The following TLE1 variants were observed in gnomAD, a reference collection of about 807,000 sequenced individuals.
The protein encoded by TLE1 is TLE family member 1, transcriptional corepressor.
Under a neutral mutation model 89.8 loss-of-function variants are expected in TLE1, and 21 were observed. That is an observed-to-expected ratio of 0.23 (90% CI 0.17 to 0.34). The LOEUF (loss-of-function observed/expected upper bound fraction) is 0.34, where lower values mean the gene tolerates loss of function less well. Among genes scored for constraint, TLE1 ranks in the 10% least tolerant of loss-of-function variants. The probability of loss-of-function intolerance (pLI) is 1.00; values close to 1 mark genes in which losing one functional copy is unlikely to be tolerated. For missense variants in TLE1, 795 were observed against 1,031.2 expected, an observed-to-expected ratio of 0.77 and a Z score of 3.14; for synonymous variants, 447 against 407.6, an observed-to-expected ratio of 1.10 and a Z score of -1.16.
intron 14 of TLE1, among the ~76,000 whole-genome samples, chr9:81,597,755 A>C (rs1830418982): frequency 6.6e-6 from 1 of 152,246 alleles, no homozygotes; most frequent in African/African-American, 2.4e-5. Flanking sequence ...TGATATAAAA[A>C]CCCATTAAGA....
intron 8 of TLE1, among the ~76,000 whole-genome samples, chr9:81,629,299 TAA>T (rs1219240925): frequency 9.1e-6 from 1 of 110,268 alleles, no homozygotes; most frequent in African/African-American, 3.6e-5. Flanking sequence ...AATTTATCCT[TAA>T]ATTAATTAAA....
chr9:81,667,378 A>T (rs982445622), intron 4 of TLE1, among the ~76,000 whole-genome samples: 2 of 133,264 alleles, frequency 1.5e-5, no homozygotes, highest in Non-Finnish European at 3.2e-5. Flanking sequence ...ACAGAGACAG[A>T]CTGTCTCAAA....
chr9:81,614,096 G>A (rs1824090284), intron 11 of TLE1, among the ~76,000 whole-genome samples: 1 of 151,896 alleles, frequency 6.6e-6, no homozygotes, highest in African/African-American at 2.4e-5. Context: ...TTTTAGTGGA[G>A]ACGGGGTTTC....
chr9:81,652,206 C>T lies in TLE1; in HGVS notation c.372+8G>A. The T allele has an allele frequency of 1.9e-6, 3 of 1,613,358 alleles. No homozygotes were observed. Among genetic ancestry groups the T allele is most frequent in the Non-Finnish European group, 2.5e-6 (3 of 1,179,742 alleles). On this transcript the variant is annotated splice_region_variant and intron_variant, in intron 6 of 19. Coordinates refer to ENST00000376499, the MANE Select transcript of TLE1 (RefSeq NM_005077.5). ...CACTGTAGGAGGTAGACCTGGTAGG[C>T]CACGTACCCCGATGATGGCATTCAA...
rs375550899 is a variant in TLE1 at position 81,590,882 on chromosome 9, G to A, written c.1752C>T (p.Pro584=). Residue 584 remains proline (P), a synonymous_variant, in exon 16 of 20, where the codon CCC becomes CCT. Coordinates refer to ENST00000376499, the MANE Select transcript of TLE1 (RefSeq NM_005077.5). ...APACYALAIS[P]DSKVCFSCCS... Reference sequence around the variant, plus strand: ...AGCATGAGAAGCAGACCTTGGAATCGGGGCTGATGGCCAGGGCGTAGCAGG... The same window carrying A: ...AGCATGAGAAGCAGACCTTGGAATCAGGGCTGATGGCCAGGGCGTAGCAGG... 123 of 1,614,120 alleles carry A rather than the reference G, an allele frequency of 7.6e-5. No homozygotes were observed. The Admixed American group carries it at 8.7e-4, about 11-fold the overall frequency.
chr9:81,664,680 T>C (rs891610994), intron 4 of TLE1, among the ~76,000 whole-genome samples: 6 of 151,288 alleles, frequency 4.0e-5, no homozygotes, highest in African/African-American at 9.7e-5. Context: ...CTGGGCAACA[T>C]AGGGAAACTC....
At chr9:81,661,924 T>C (rs1017867651) in intron 4 of TLE1, among the ~76,000 whole-genome samples, 1 of 152,206 alleles carries the variant, frequency 6.6e-6, no homozygotes, top group Non-Finnish European at 1.5e-5. Flanking sequence ...CATACGTTAC[T>C]GATGACATTA....
intron 15 of TLE1, among the ~76,000 whole-genome samples, chr9:81,592,295 C>T (rs7019824): frequency 0.071 from 10,871 of 152,248 alleles, 975 homozygotes; most frequent in African/African-American, 0.2. Flanking sequence ...GAGGCGGAGC[C>T]TGCAGTGAGC....
At chr9:81,584,673 A>G (rs1828088515) in intron 18 of TLE1, 149 bp from the exon 19 acceptor site, 1 of 697,238 alleles carries the variant, frequency 1.4e-6, no homozygotes, top group South Asian at 1.9e-5. Context: ...AGAGGTTTTA[A>G]TCTGGGCTCC....
chr9:81,654,077 A>T lies in TLE1; in HGVS notation c.235-41T>A. ...CACACAAATGTTTAGAATACTTCAC[A>T]ATCAGTTCAGAAAGGTAAAACTTCA... On this transcript the variant is annotated intron_variant, in intron 4 of 19. Transcript: ENST00000376499. The T allele has an allele frequency of 1.9e-6, 3 of 1,600,998 alleles. No homozygotes were observed. In the South Asian group the frequency reaches 3.3e-5, roughly 18 times the overall value.
intron 6 of TLE1, among the ~76,000 whole-genome samples, chr9:81,637,182 A>T (rs1241329413): frequency 1.3e-5 from 2 of 152,062 alleles, no homozygotes; most frequent in Non-Finnish European, 2.9e-5. Flanking sequence ...ACATAGTGAA[A>T]CCCTGTCTCT....
In TLE1 at chr9:81,658,914, A is replaced by T. The variant is rs549124292; in HGVS notation, c.235-4878T>A. ...TATTTATGTATTTATTTATCTATTT[A>T]TTTATTTTTTTTTTAGATGGAGTCT... On this transcript the variant is annotated intron_variant, in intron 4 of 19. Transcript: ENST00000376499. Among the ~76,000 whole-genome samples the T allele has an allele frequency of 4.5e-3, 681 of 151,818 alleles. 6 individuals carry two copies. Among genetic ancestry groups the T allele is most frequent in the African/African-American group, 0.016 (645 of 41,350 alleles).
At chr9:81,677,809 A>T (rs1414537340) in intron 4 of TLE1, among the ~76,000 whole-genome samples, 1 of 152,186 alleles carries the variant, frequency 6.6e-6, no homozygotes, top group Non-Finnish European at 1.5e-5. Context: ...TCTAATGGAT[A>T]ATGAATATCC....
intron 13 of TLE1, among the ~76,000 whole-genome samples, chr9:81,610,627 T>C (rs958534772): frequency 1.3e-5 from 2 of 152,138 alleles, no homozygotes; most frequent in Non-Finnish European, 2.9e-5. Flanking sequence ...CTCAGCACTA[T>C]TGACATTTGG....
intron 19 of TLE1, 45 bp downstream of exon 19, chr9:81,584,403 A>T: frequency 6.2e-7 from 1 of 1,612,368 alleles, no homozygotes; most frequent in Non-Finnish European, 8.5e-7. Context: ...TTCAGAGGCG[A>T]CACTGTGGTC....
chr9:81,687,494 T>G (rs904700811), intron 1 of TLE1, 60 bp from the exon 2 acceptor site: 1 of 1,336,488 alleles, frequency 7.5e-7, no homozygotes, highest in Admixed American at 1.9e-5. Flanking sequence ...AATAAAGCAG[T>G]AAGTCAGAGA....
chr9:81,590,718 G>T, intron 16 of TLE1, 87 bp downstream of exon 16: 1 of 1,546,694 alleles, frequency 6.5e-7, no homozygotes, highest in Non-Finnish European at 8.7e-7. Flanking sequence ...CTTATTGTGT[G>T]GGCTGCAGGC....
At chr9:81,667,687 G>T (rs989497722) in intron 4 of TLE1, among the ~76,000 whole-genome samples, 1 of 151,130 alleles carries the variant, frequency 6.6e-6, no homozygotes, top group African/African-American at 2.4e-5. Flanking sequence ...CTTCAGCGGG[G>T]AAGTCCCAGC....
intron 14 of TLE1, among the ~76,000 whole-genome samples, chr9:81,606,869 T>G (rs1831743044): frequency 6.6e-6 from 1 of 151,892 alleles, no homozygotes; most frequent in Admixed American, 6.6e-5. Context: ...TCATTTTTCC[T>G]TCTGATATTA....
Sources: allele counts gnomAD v4.1 joint callset (sites outside exome capture counted in the v4.1 genomes callset), GRCh38; gene constraint gnomAD v4.1.1; transcripts MANE v1.5; gene names NCBI Gene and HGNC (gene_info 2026-07-23, HGNC 2026-07-21).